GLIS3: variants seen among roughly 807,000 people sequenced by gnomAD.
GLIS3 encodes zinc finger protein GLIS3.
GLIS3 carries 53 observed loss-of-function variants against 78.6 expected under a neutral mutation model. The observed-to-expected ratio is 0.67, with a 90% CI of 0.54 to 0.85. The LOEUF (loss-of-function observed/expected upper bound fraction) is 0.85. GLIS3 is among the 40% of genes least tolerant of loss of function. The pLI is 0.00. For missense variants in GLIS3, 1,703 were observed against 1,231.1 expected (o/e 1.38, Z -5.74); for synonymous variants, 684 against 509.9 (o/e 1.34, Z -4.60).
rs370117322 is a variant in GLIS3, at chr9:4,130,600, C to G, written c.389-4659G>C. On this transcript the variant is annotated intron_variant, in intron 2 of 10. Coordinates refer to ENST00000381971, the MANE Select transcript of GLIS3 (RefSeq NM_001042413.2). ...GACGACTTGGTGGCTTCCACATGGT[C>G]TTAAGCCTGTAGGTGCACGAAATGC... Among the ~76,000 whole-genome samples the G allele has an allele frequency of 5.9e-5, 9 of 152,364 alleles. No homozygotes were observed. The East Asian group carries it at 1.5e-3, about 26-fold the overall frequency.
chr9:4,418,144 C>T, the GLIS3 span, among the ~76,000 whole-genome samples: 5 of 152,200 alleles, frequency 3.3e-5, no homozygotes, highest in African/African-American at 1.2e-4. Context: ...ACTTAACAGT[C>T]ACTCATGAGC....
rs184292939 is a variant in GLIS3 at position 4,069,469 on chromosome 9, C to T, written c.1710+48299G>A. ...CATTTAAAAAGTACATGAGCCTCAA[C>T]GCACACTAAAAGACCAGTCCCTGAG... On this transcript the variant is annotated intron_variant, in intron 4 of 10. Transcript: ENST00000381971. Among the ~76,000 whole-genome samples, 365 of 152,288 alleles carry T rather than the reference C, an allele frequency of 2.4e-3. 5 individuals are homozygous for T. Among genetic ancestry groups the T allele is most frequent in the Admixed American group, 0.023 (349 of 15,294 alleles).
intron 2 of GLIS3, among the ~76,000 whole-genome samples, chr9:4,343,205 G>T (rs930964461): frequency 1.3e-5 from 2 of 152,048 alleles, no homozygotes; most frequent in East Asian, 1.9e-4. Context: ...AGTCAGGCAC[G>T]GTGGCACACC....
chr9:4,489,547 G>C, the GLIS3 span, among the ~76,000 whole-genome samples: 1 of 152,164 alleles, frequency 6.6e-6, no homozygotes, highest in Non-Finnish European at 1.5e-5. Context: ...TTGTATACGT[G>C]AGAGTGAAAA....
chr9:4,031,506 G>A (rs766963565), intron 4 of GLIS3, among the ~76,000 whole-genome samples: 7 of 152,158 alleles, frequency 4.6e-5, no homozygotes, highest in Non-Finnish European at 8.8e-5. Context: ...GAGAACTACC[G>A]ATTGATGGGT....
At chr9:4,043,979 A>G (rs1257927809) in intron 4 of GLIS3, among the ~76,000 whole-genome samples, 1 of 152,156 alleles carries the variant, frequency 6.6e-6, no homozygotes, top group African/African-American at 2.4e-5. Context: ...GTCACCAACA[A>G]TGGAAGGCAA....
chr9:4,475,566 A>T, the GLIS3 span, among the ~76,000 whole-genome samples: 2 of 152,242 alleles, frequency 1.3e-5, no homozygotes, highest in Non-Finnish European at 1.5e-5. Flanking sequence ...GCAGCAGTGC[A>T]AAGGAATCAG....
chr9:4,185,740 G>C (rs1365817700), intron 2 of GLIS3, among the ~76,000 whole-genome samples: 1 of 152,164 alleles, frequency 6.6e-6, no homozygotes, highest in African/African-American at 2.4e-5. Context: ...ACCATGTTCA[G>C]CACAAGGCAT....
At chr9:4,299,308 A>G (rs368461332) in intron 1 of GLIS3, 113 bp downstream of exon 1, 7 of 152,008 alleles carry the variant, frequency 4.6e-5, no homozygotes, top group African/African-American at 1.2e-4. Context: ...AGCGTAGAAA[A>G]CTATTTGTAA....
intron 2 of GLIS3, among the ~76,000 whole-genome samples, chr9:4,202,522 G>A (rs906966300): frequency 6.6e-6 from 1 of 152,074 alleles, no homozygotes; most frequent in Non-Finnish European, 1.5e-5. Flanking sequence ...GCAATGCTAA[G>A]CAAAAAGAAC....
chr9:4,161,080 A>T (rs1437278659), intron 2 of GLIS3, among the ~76,000 whole-genome samples: 6 of 14,852 alleles, frequency 4.0e-4, no homozygotes, highest in African/African-American at 5.2e-4. Context: ...CCCATCTCTT[A>T]AAAAAAAAAA....
At chr9:4,040,960 A>G (rs565357030) in intron 4 of GLIS3, among the ~76,000 whole-genome samples, 30 of 152,320 alleles carry the variant, frequency 2.0e-4, no homozygotes, top group Admixed American at 1.6e-3. Flanking sequence ...CCAGGGAAGG[A>G]GAAAGATTTC....
At chr9:4,110,814 T>G (rs1363307635) in intron 4 of GLIS3, among the ~76,000 whole-genome samples, 2 of 152,104 alleles carry the variant, frequency 1.3e-5, no homozygotes, top group Admixed American at 6.6e-5. Context: ...AAAATAAACA[T>G]CTCTTTCCCA....
At chr9:4,015,942 A>T (rs896150289) in intron 4 of GLIS3, among the ~76,000 whole-genome samples, 1 of 151,830 alleles carries the variant, frequency 6.6e-6, no homozygotes, top group Admixed American at 6.6e-5. Context: ...CGTCATAACC[A>T]ACCTGGCCGT....
chr9:3,979,524 A>G (rs762139746), intron 4 of GLIS3, among the ~76,000 whole-genome samples: 10 of 152,220 alleles, frequency 6.6e-5, no homozygotes, highest in Non-Finnish European at 1.5e-4. Flanking sequence ...ACTTTGGGAC[A>G]GTGACTTCTC....
In GLIS3 at chr9:4,286,536, A is replaced by G. The variant is rs1828020128; in HGVS notation, c.-98-13T>C. On this transcript the variant is annotated splice_polypyrimidine_tract_variant and intron_variant, in intron 1 of 10. Transcript: ENST00000381971. ...GTGGGTTATAAGCCTGTTTAAAAAA[A>G]TAAACGCAGGCATTTTTAAAAGCAA... is the stretch of plus-strand genomic sequence containing the variant. 7.6e-7 allele frequency: 1 copy of G among 1,308,274 alleles called. No individual in the cohort carries two copies. Among genetic ancestry groups the G allele is most frequent in the African/African-American group, 1.4e-5 (1 of 69,404 alleles). 81.0% of individuals were successfully genotyped at this position (1,308,274 alleles called of 1,614,324 possible). A position where few individuals can be genotyped will look rare whatever the true frequency, so the allele number is the denominator to read the frequency against.
chr9:3,921,044 C>T (rs530245485), intron 6 of GLIS3, among the ~76,000 whole-genome samples: 1 of 152,294 alleles, frequency 6.6e-6, no homozygotes, highest in African/African-American at 2.4e-5. Context: ...CCCTACGGGA[C>T]TTCGCAGTAT....
chr9:4,083,467 G>A (rs1377657779), intron 4 of GLIS3, among the ~76,000 whole-genome samples: 1 of 152,086 alleles, frequency 6.6e-6, no homozygotes, highest in East Asian at 1.9e-4. Flanking sequence ...ATGAATGTTT[G>A]AAGTGGAGAA....
intron 2 of GLIS3, among the ~76,000 whole-genome samples, chr9:4,240,272 G>A (rs1035630584): frequency 3.9e-5 from 6 of 151,992 alleles, no homozygotes; most frequent in East Asian, 1.9e-4. Flanking sequence ...CATAAGGAAC[G>A]CACAACCTAG....
Sources: allele counts gnomAD v4.1 joint callset (sites outside exome capture counted in the v4.1 genomes callset), GRCh38; gene constraint gnomAD v4.1.1; transcripts MANE v1.5; gene names NCBI Gene and HGNC (gene_info 2026-07-23, HGNC 2026-07-21).